Variants in AKAP12 observed in about 807,000 individuals in gnomAD.
The protein encoded by AKAP12 is A-kinase anchoring protein 12.
Under a neutral mutation model 79.9 loss-of-function variants are expected in AKAP12, and 32 were observed. That is an observed-to-expected ratio of 0.40 (90% CI 0.30 to 0.54). The LOEUF (loss-of-function observed/expected upper bound fraction) is 0.54. Among genes scored for constraint, AKAP12 ranks in the 20% least tolerant of loss-of-function variants. The probability of loss-of-function intolerance (pLI) is 0.48; values close to 1 mark genes in which losing one functional copy is unlikely to be tolerated. For synonymous variants in AKAP12, 808 were observed against 857.0 expected (o/e 0.94, Z 1.00); for missense variants, 2,074 against 2,177.0 (o/e 0.95, Z 0.94).
chr6:151,268,352 G>C (rs1201062680), intron 2 of AKAP12, among the ~76,000 whole-genome samples: 1 of 152,170 alleles, frequency 6.6e-6, no homozygotes, highest in Non-Finnish European at 1.5e-5. Context: ...GGGAGGCAGA[G>C]GTTGCGGTGA....
At chr6:151,249,480 T>C (rs543641020) in intron 2 of AKAP12, among the ~76,000 whole-genome samples, 1 of 152,284 alleles carries the variant, frequency 6.6e-6, no homozygotes, top group East Asian at 1.9e-4. Context: ...CGCCTGGCCA[T>C]TTCATAAATA....
chr6:151,318,508 C>G (rs60734986), intron 3 of AKAP12, among the ~76,000 whole-genome samples: 1,965 of 152,312 alleles, frequency 0.013, 47 homozygotes, highest in African/African-American at 0.045. Context: ...GATGCTGTTT[C>G]GAGTCTTCAT....
chr6:151,309,488 A>T (rs190230278), intron 3 of AKAP12, among the ~76,000 whole-genome samples: 125 of 152,118 alleles, frequency 8.2e-4, no homozygotes, highest in Admixed American at 2.2e-3. Context: ...TAGAGGTGAA[A>T]TTTTTTTTCC....
intron 3 of AKAP12, among the ~76,000 whole-genome samples, chr6:151,306,260 T>A (rs138999119): frequency 5.9e-5 from 9 of 152,342 alleles, no homozygotes; most frequent in African/African-American, 2.2e-4. Flanking sequence ...GTACAACTCT[T>A]TCTGATAGGC....
rs1157088954 is a variant in AKAP12, at chr6:151,304,488, CAAAAAAAAAAAAAAAA to C, written c.163-1243_163-1228del. 5.7e-4 allele frequency among the ~76,000 whole-genome samples: 26 copies of C among 46,004 alleles called. 1 individual carries two copies. The highest frequency in any genetic ancestry group is 1.5e-3 in the Admixed American group (4 of 2,590). The allele number at this position is 46,004 out of a possible 152,430, so 30.2% of individuals were successfully genotyped here. On this transcript the variant is annotated intron_variant, in intron 2 of 4. Coordinates refer to ENST00000402676, the MANE Select transcript of AKAP12 (RefSeq NM_005100.4). Reference sequence around the variant, plus strand: ...TGGGTGAAACAGTGACACTCCATCTCAAAAAAAAAAAAAAAAAAAAAAAAAAAAAAAGGATTATATG... The same window carrying C: ...TGGGTGAAACAGTGACACTCCATCTCAAAAAAAAAAAAAAAGGATTATATG...
intron 3 of AKAP12, among the ~76,000 whole-genome samples, chr6:151,307,848 A>G (rs972854369): frequency 6.6e-6 from 1 of 152,068 alleles, no homozygotes; most frequent in Non-Finnish European, 1.5e-5. Context: ...CCATGCAGGA[A>G]GGGTGGTGAT....
chr6:151,319,502 CTAGATATAGATA>C (rs1271481517), intron 3 of AKAP12: 12 of 123,874 alleles, frequency 9.7e-5, no homozygotes, highest in East Asian at 4.9e-4. Flanking sequence ...CTATAACTAT[CTAGATATAGATA>C]TATCTCTATA....
intron 3 of AKAP12, chr6:151,323,697 G>T: frequency 1.0e-6 from 1 of 985,208 alleles, no homozygotes; most frequent in Non-Finnish European, 1.2e-6. Flanking sequence ...GTGACATTTT[G>T]TGTGTTTTTC....
chr6:151,279,842 G>T (rs1346409052), intron 2 of AKAP12, among the ~76,000 whole-genome samples: 1 of 151,856 alleles, frequency 6.6e-6, no homozygotes, highest in Non-Finnish European at 1.5e-5. Flanking sequence ...GTGAGACCTG[G>T]TCTCTTTAAA....
chr6:151,303,471 A>T (rs925014407), intron 2 of AKAP12, among the ~76,000 whole-genome samples: 1 of 152,250 alleles, frequency 6.6e-6, no homozygotes, highest in Non-Finnish European at 1.5e-5. Flanking sequence ...AAGCTCATGC[A>T]GTTGAAGGAC....
rs920620520 is a variant in AKAP12, at chr6:151,353,082, C to T, written c.4691C>T (p.Thr1564Ile). Residue 1564 changes from threonine to isoleucine, a missense_variant, in exon 4 of 5, where the codon ACA (threonine) becomes ATA (isoleucine). By Grantham distance (89) the Thr-to-Ile change is moderately conservative. This residue lies in a region of AKAP12 where 614 missense variants were observed against 665.6 expected (regional missense o/e 0.92). Coordinates refer to ENST00000402676, the MANE Select transcript of AKAP12 (RefSeq NM_005100.4). ...IQTAVDQFVRTEETATEMLTS... is the reference protein window; with the variant it reads ...IQTAVDQFVRIEETATEMLTS... ...ACAGCCGTTGACCAGTTTGTACGTA[C>T]AGAAGAAACAGCCACCGAAATGTTG... The T allele has an allele frequency of 1.2e-6, 2 of 1,614,012 alleles. No individual in the cohort carries two copies. The highest frequency in any genetic ancestry group is 8.5e-7 in the Non-Finnish European group (1 of 1,180,040).
At chr6:151,328,890 TC>T (rs1192721596) in intron 3 of AKAP12, among the ~76,000 whole-genome samples, 1 of 151,410 alleles carries the variant, frequency 6.6e-6, no homozygotes, top group Non-Finnish European at 1.5e-5. Context: ...ATTATCCCCC[TC>T]CCCCCTGCCA....
intron 3 of AKAP12, chr6:151,325,768 C>T (rs921448454): frequency 6.2e-7 from 1 of 1,606,332 alleles, no homozygotes; most frequent in African/African-American, 1.3e-5. Flanking sequence ...CCCGCCGAAA[C>T]CACCTGCGGT....
chr6:151,276,764 T>A (rs749872091), intron 2 of AKAP12, among the ~76,000 whole-genome samples: 5 of 152,262 alleles, frequency 3.3e-5, no homozygotes, highest in Non-Finnish European at 7.3e-5. Context: ...AGTCACTGAT[T>A]GTGCTTTATC....
intron 2 of AKAP12, among the ~76,000 whole-genome samples, chr6:151,296,245 G>T (rs1159726526): frequency 6.6e-6 from 1 of 152,062 alleles, no homozygotes; most frequent in African/African-American, 2.4e-5. Context: ...TGCCCACCCC[G>T]GGATGCATCC....
chr6:151,261,002 T>C (rs1797418438), intron 2 of AKAP12, among the ~76,000 whole-genome samples: 1 of 151,992 alleles, frequency 6.6e-6, no homozygotes, highest in Admixed American at 6.6e-5. Flanking sequence ...TATTCCTCCA[T>C]ACTTTTCCTA....
chr6:151,347,980 G>A (rs1245508597), intron 3 of AKAP12, among the ~76,000 whole-genome samples: 7 of 151,504 alleles, frequency 4.6e-5, no homozygotes, highest in African/African-American at 1.5e-4. Flanking sequence ...GACCATTCTG[G>A]CTAACACGGT....
At chr6:151,298,828 A>T (rs540038550) in intron 2 of AKAP12, 6 of 152,036 alleles carry the variant, frequency 3.9e-5, no homozygotes, top group African/African-American at 1.4e-4. Context: ...AAATGAAAAA[A>T]TTTTTTTCTT....
At position 151,348,324 on chromosome 6, in the gene AKAP12, CAA is replaced by C. The variant is rs3029381; in HGVS notation, c.320-369_320-368del. ...TGGGCGACAGAGTGAGACTCTGTCT[CAA>C]AAAAAAAAAAAAAAAAAGTTAATTT... On this transcript the variant is annotated intron_variant, in intron 3 of 4. Coordinates refer to ENST00000402676, the MANE Select transcript of AKAP12 (RefSeq NM_005100.4). 5.2e-3 allele frequency: 2,045 copies of C among 390,412 alleles called. 2 individuals carry two copies. Among genetic ancestry groups the C allele is most frequent in the South Asian group, 0.011 (605 of 56,410 alleles). The allele number at this position is 390,412 out of a possible 1,614,324, so 24.2% of individuals were successfully genotyped here. A position where few individuals can be genotyped will look rare whatever the true frequency, so the allele number is the denominator to read the frequency against.
Sources: allele counts gnomAD v4.1 joint callset (sites outside exome capture counted in the v4.1 genomes callset), GRCh38; gene constraint gnomAD v4.1.1; regional missense constraint gnomAD v4.1.1; transcripts MANE v1.5; gene names NCBI Gene and HGNC (gene_info 2026-07-23, HGNC 2026-07-21).